FBXW4: variants seen among roughly 807,000 people sequenced by gnomAD.
FBXW4 encodes F-box and WD repeat domain containing 4.
In FBXW4, 40 loss-of-function variants were observed where a neutral mutation model predicts 61.8. That is an observed-to-expected ratio of 0.65 (90% CI 0.50 to 0.84). The LOEUF (loss-of-function observed/expected upper bound fraction) is 0.84, where lower values mean the gene tolerates loss of function less well. FBXW4 is among the 40% of genes least tolerant of loss of function. The pLI is 0.00. For synonymous variants in FBXW4, 311 were observed against 313.8 expected (o/e 0.99, Z 0.10); for missense variants, 672 against 753.8 (o/e 0.89, Z 1.27).
intron 5 of FBXW4, among the ~76,000 whole-genome samples, chr10:101,657,195 G>A (rs549050342): frequency 6.6e-6 from 1 of 152,278 alleles, no homozygotes; most frequent in South Asian, 2.1e-4. Context: ...TGGCCCAAGA[G>A]AGGAGTAAGA....
chr10:101,694,497 G>C lies in FBXW4; in HGVS notation c.609C>G (p.Leu203=). Residue 203 remains leucine (L), a synonymous_variant, in exon 1 of 9, where the codon CTC becomes CTG. Coordinates refer to ENST00000331272, the MANE Select transcript of FBXW4 (RefSeq NM_022039.4). This position sits in a 1 kb window ranked among gnomAD's most constrained non-coding sequence, Gnocchi z 6.0. ...LICSYLDMRA[L]GRLAQVCRWL... is the part of the protein sequence containing the mutation. ...AGCGGCACACCTGGGCCAGGCGGCC[G>C]AGGGCCCGCATGTCCAGGTAGGAGC... is the stretch of plus-strand genomic sequence containing the variant. 1 of 1,522,670 alleles carries C rather than the reference G, an allele frequency of 6.6e-7. No homozygotes were observed. Among genetic ancestry groups the C allele is most frequent in the Non-Finnish European group, 8.7e-7 (1 of 1,145,520 alleles). 94.3% of individuals were successfully genotyped at this position (1,522,670 alleles called of 1,614,324 possible).
At chr10:101,644,036 C>T (rs561880720) in intron 5 of FBXW4, among the ~76,000 whole-genome samples, 1 of 152,362 alleles carries the variant, frequency 6.6e-6, no homozygotes, top group South Asian at 2.1e-4. Context: ...CCCCATCCCA[C>T]ATTCGTACCT....
intron 1 of FBXW4, among the ~76,000 whole-genome samples, chr10:101,681,718 AAATAAT>A (rs60453783): frequency 0.043 from 6,166 of 143,332 alleles, 197 homozygotes; most frequent in African/African-American, 0.081. Flanking sequence ...CTCCGTCTCA[AAATAAT>A]AATAATAATA....
At chr10:101,612,623 C>G (rs1381870746) in intron 6 of FBXW4, 146 bp from the exon 7 acceptor site, 11 of 895,718 alleles carry the variant, frequency 1.2e-5, no homozygotes, top group African/African-American at 6.9e-5. Context: ...GAGGAGATGC[C>G]CAATTCCTAC....
chr10:101,636,552 T>G (rs867075573), intron 5 of FBXW4, among the ~76,000 whole-genome samples: 1 of 152,030 alleles, frequency 6.6e-6, no homozygotes, highest in South Asian at 2.1e-4. Context: ...TTTGATAATA[T>G]TTTTCTAGGT....
chr10:101,657,144 C>T (rs1477962652), intron 5 of FBXW4, among the ~76,000 whole-genome samples: 3 of 152,086 alleles, frequency 2.0e-5, no homozygotes, highest in Non-Finnish European at 2.9e-5. Context: ...TGACAGGATC[C>T]CACAGACCAT....
At position 101,694,977 on chromosome 10, in the gene FBXW4, TCCCTTC is replaced by T. The variant is rs998070360; in HGVS notation, c.123_128del (p.Gly43_Lys44del). 3.6e-5 allele frequency: 42 copies of T among 1,181,478 alleles called. No homozygotes were observed. The highest frequency in any genetic ancestry group is 3.9e-5 in the Non-Finnish European group (37 of 954,842). The allele number at this position is 1,181,478 out of a possible 1,614,324, so 73.2% of individuals were successfully genotyped here. On this transcript the variant is annotated inframe_deletion, in exon 1 of 9. Transcript: ENST00000331272. This position sits in a 1 kb window ranked among gnomAD's most constrained non-coding sequence, Gnocchi z 6.0. ...TTCCGCCTTGCCCCGCTCTCGCTTT[TCCCTTC>T]CCCTTCCCCTTCCTTCGCTTCCCCC...
At chr10:101,691,167 A>T (rs2064596889) in intron 1 of FBXW4, among the ~76,000 whole-genome samples, 1 of 152,152 alleles carries the variant, frequency 6.6e-6, no homozygotes, top group South Asian at 2.1e-4. Context: ...CAAAGCAATG[A>T]ACGACAGCCC....
Position 101,694,599 on chromosome 10 carries a change from C to T in FBXW4, c.507G>A (p.Ala169=), listed in dbSNP as rs1404824736. 1.4e-6 allele frequency: 2 copies of T among 1,451,004 alleles called. No homozygotes were observed. The highest frequency in any genetic ancestry group is 5.8e-5 in the East Asian group (2 of 34,200). The allele number at this position is 1,451,004 out of a possible 1,614,324, so 89.9% of individuals were successfully genotyped here. Residue 169 remains alanine, a synonymous_variant, in exon 1 of 9, where the codon GCG becomes GCA. Transcript: ENST00000331272. This position sits in a 1 kb window ranked among gnomAD's most constrained non-coding sequence, Gnocchi z 6.0. The stretch of plus-strand genomic sequence containing the variant: ...CCGGGCGGGCAGCCGACTCCCGAGC[C>T]GCCTCCTCCTCCTCCTCCTCCTCCC... ...AAGEEEEEEE[A]ARESAARPAA...
At chr10:101,650,021 G>A (rs1317859304) in intron 5 of FBXW4, among the ~76,000 whole-genome samples, 1 of 152,170 alleles carries the variant, frequency 6.6e-6, no homozygotes, top group Non-Finnish European at 1.5e-5. Context: ...AGGCTCCCCA[G>A]AGTCTCCTTC....
At chr10:101,672,890 G>C (rs1296756724) in intron 4 of FBXW4, 25 bp downstream of exon 4, 2 of 1,612,976 alleles carry the variant, frequency 1.2e-6, no homozygotes, top group Non-Finnish European at 8.5e-7. Flanking sequence ...GGGAGTAATA[G>C]TATGTAAGGG....
In FBXW4 at chr10:101,673,005, A is replaced by C; in HGVS notation, c.1050T>G (p.Thr350=). 6.2e-7 allele frequency: 1 copy of C among 1,614,048 alleles called. No homozygotes were observed. The highest frequency in any genetic ancestry group is 1.6e-4 in the Middle Eastern group (1 of 6,062). ...IGIHKIHSTF[T]VKYSAHEQEV... ...CCTGTTCATGAGCCGAGTACTTGACAGTGAAGGTGCTGTGAATCTTATGAA... is the reference window on the plus strand; with the variant it reads ...CCTGTTCATGAGCCGAGTACTTGACCGTGAAGGTGCTGTGAATCTTATGAA... Residue 350 remains threonine, a synonymous_variant, in exon 4 of 9, where the codon ACT becomes ACG. Transcript: ENST00000331272.
chr10:101,630,339 GC>G (rs2063941623), intron 5 of FBXW4, among the ~76,000 whole-genome samples: 1 of 152,136 alleles, frequency 6.6e-6, no homozygotes, highest in Non-Finnish European at 1.5e-5. Context: ...CTCCCGAACC[GC>G]CCTGCTTGTG....
At chr10:101,646,271 C>G (rs761427909) in intron 5 of FBXW4, among the ~76,000 whole-genome samples, 1 of 152,334 alleles carries the variant, frequency 6.6e-6, no homozygotes, top group South Asian at 2.1e-4. Flanking sequence ...CAAATTTAAC[C>G]TGGCCAGGGC....
chr10:101,630,704 A>G (rs2063946411), intron 5 of FBXW4, among the ~76,000 whole-genome samples: 1 of 152,222 alleles, frequency 6.6e-6, no homozygotes, highest in Admixed American at 6.5e-5. Flanking sequence ...GAAGTCAGGA[A>G]GGGGAAAGAC....
intron 5 of FBXW4, among the ~76,000 whole-genome samples, chr10:101,657,092 C>T (rs1451216626): frequency 6.6e-6 from 1 of 152,168 alleles, no homozygotes; most frequent in Admixed American, 6.5e-5. Flanking sequence ...CCAATCCTCC[C>T]GCCCTTGTCA....
chr10:101,638,684 T>C (rs2064024740), intron 5 of FBXW4, among the ~76,000 whole-genome samples: 1 of 152,226 alleles, frequency 6.6e-6, no homozygotes, highest in Admixed American at 6.5e-5. Flanking sequence ...ATTTTGAAGT[T>C]ACCTGAAAGA....
chr10:101,619,699 CAAG>C (rs2063853519), intron 6 of FBXW4, among the ~76,000 whole-genome samples: 1 of 151,996 alleles, frequency 6.6e-6, no homozygotes, highest in Non-Finnish European at 1.5e-5. Flanking sequence ...AGGGGACAGC[CAAG>C]CTCCTTGCCA....
Position 101,611,137 on chromosome 10 carries a change from T to G in FBXW4, c.*154A>C, listed in dbSNP as rs2063777948. On this transcript the variant is annotated 3_prime_UTR_variant, in exon 9 of 9. Transcript: ENST00000331272. This position sits in a 1 kb window ranked among gnomAD's most constrained non-coding sequence, Gnocchi z 4.9. ...CTGGTAAGCTCCAAAGTCCCAGGAG[T>G]CAGAAGCCTCTAGTGCAAGGTGCCT... 2 of 960,542 alleles carry G rather than the reference T, an allele frequency of 2.1e-6. No homozygotes were observed. The highest frequency in any genetic ancestry group is 1.7e-5 in the South Asian group (1 of 57,702). 59.5% of individuals were successfully genotyped at this position (960,542 alleles called of 1,614,324 possible).
Sources: allele counts gnomAD v4.1 joint callset (sites outside exome capture counted in the v4.1 genomes callset), GRCh38; gene constraint gnomAD v4.1.1; non-coding constraint Gnocchi (gnomAD v3.1); transcripts MANE v1.5; gene names NCBI Gene and HGNC (gene_info 2026-07-23, HGNC 2026-07-21).